The following BMAL1 variants were observed in gnomAD, a reference collection of about 807,000 sequenced individuals.
BMAL1 encodes basic helix-loop-helix ARNT like 1, also known as basic helix-loop-helix ARNT-like protein 1.
chr11:13,378,462 A>G, the BMAL1 span: 1 of 1,603,530 alleles, frequency 6.2e-7, no homozygotes, highest in African/African-American at 1.3e-5. Context: ...AACACCTTCT[A>G]GTTCCTCTGT....
At chr11:13,359,049 A>G in the BMAL1 span, among the ~76,000 whole-genome samples, 1 of 152,214 alleles carries the variant, frequency 6.6e-6, no homozygotes, top group African/African-American at 2.4e-5. Flanking sequence ...TTCTCGCGAC[A>G]TTTTGTTGTC....
At chr11:13,365,321 A>ACACACACACACACAC in the BMAL1 span, 7 of 475,118 alleles carry the variant, frequency 1.5e-5, no homozygotes, top group South Asian at 9.9e-5. Context: ...ACACACACAC[A>ACACACACACACACAC]ATCTTACAGT....
the BMAL1 span, among the ~76,000 whole-genome samples, chr11:13,300,647 T>C: frequency 6.6e-6 from 1 of 152,204 alleles, no homozygotes; most frequent in African/African-American, 2.4e-5. Context: ...AGTGATCTCT[T>C]CTTAAGGATA....
the BMAL1 span, among the ~76,000 whole-genome samples, chr11:13,331,183 C>T: frequency 6.6e-6 from 1 of 152,158 alleles, no homozygotes; most frequent in Non-Finnish European, 1.5e-5. Flanking sequence ...CGAAGATGGC[C>T]AAACAATCAG....
the BMAL1 span, among the ~76,000 whole-genome samples, chr11:13,357,314 T>G: frequency 1.3e-5 from 2 of 152,250 alleles, no homozygotes; most frequent in African/African-American, 4.8e-5. This position sits in a 1 kb window ranked among gnomAD's most constrained non-coding sequence, Gnocchi z 4.8. Flanking sequence ...TAAGCACCTT[T>G]AACCTGAAGT....
chr11:13,316,792 G>A, the BMAL1 span, among the ~76,000 whole-genome samples: 6 of 152,210 alleles, frequency 3.9e-5, no homozygotes, highest in African/African-American at 1.4e-4. Context: ...AGGAGAAGGG[G>A]GACGTTAGCC....
At chr11:13,314,425 G>A in the BMAL1 span, among the ~76,000 whole-genome samples, 1 of 152,104 alleles carries the variant, frequency 6.6e-6, no homozygotes, top group African/African-American at 2.4e-5. Flanking sequence ...ATTGGCCATT[G>A]GGTTTATTGG....
the BMAL1 span, chr11:13,277,685 G>C: frequency 6.9e-6 from 1 of 144,332 alleles, no homozygotes; most frequent in Admixed American, 6.8e-5. Context: ...TCCGGGCGCT[G>C]CGGCTCCTCC....
chr11:13,284,856 C>T, the BMAL1 span, among the ~76,000 whole-genome samples: 31 of 152,092 alleles, frequency 2.0e-4, no homozygotes, highest in Admixed American at 2.0e-4. Context: ...TCCAGTCTTC[C>T]AGGCTCTCCA....
the BMAL1 span, among the ~76,000 whole-genome samples, chr11:13,360,042 T>C: frequency 6.6e-6 from 1 of 152,198 alleles, no homozygotes; most frequent in South Asian, 2.1e-4. Context: ...AGAGCTGCCT[T>C]CTTTCTTAGA....
the BMAL1 span, among the ~76,000 whole-genome samples, chr11:13,286,410 G>T: frequency 6.6e-6 from 1 of 152,174 alleles, no homozygotes. Flanking sequence ...AGAGGCCTGG[G>T]CTCCAGACTG....
chr11:13,357,209 A>ACC, the BMAL1 span: 1 of 1,460,870 alleles, frequency 6.8e-7, no homozygotes, highest in Non-Finnish European at 9.3e-7. The surrounding 1 kb of genome is among the most constrained non-coding windows in gnomAD (Gnocchi z 4.8). Context: ...GGGCACTGTC[A>ACC]CCTCCTTAGG....
At chr11:13,290,559 A>ATAT in the BMAL1 span, among the ~76,000 whole-genome samples, 5,356 of 148,890 alleles carry the variant, frequency 0.036, 149 homozygotes, top group Middle Eastern at 0.11. Flanking sequence ...ACAAGTGTAT[A>ATAT]TATTATTATT....
the BMAL1 span, chr11:13,376,568 T>C: frequency 6.7e-7 from 1 of 1,487,488 alleles, no homozygotes; most frequent in African/African-American, 1.4e-5. Flanking sequence ...ACCGGACACC[T>C]TGGCCAAGTT....
chr11:13,340,679 C>T, the BMAL1 span, among the ~76,000 whole-genome samples: 106 of 152,254 alleles, frequency 7.0e-4, no homozygotes, highest in African/African-American at 2.4e-3. Context: ...TGTCCTGGAT[C>T]TCTCCAGCTT....
chr11:13,345,878 G>A, the BMAL1 span, among the ~76,000 whole-genome samples: 1 of 152,106 alleles, frequency 6.6e-6, no homozygotes, highest in Non-Finnish European at 1.5e-5. Context: ...CCTTCTTCCT[G>A]CCTGTGTCTG....
At chr11:13,294,398 A>G in the BMAL1 span, among the ~76,000 whole-genome samples, 2 of 13,840 alleles carry the variant, frequency 1.4e-4, no homozygotes, top group East Asian at 0.062. Flanking sequence ...GTGGTTTCCT[A>G]TTTTTCAACG....
the BMAL1 span, among the ~76,000 whole-genome samples, chr11:13,279,618 C>T: frequency 6.6e-6 from 1 of 152,158 alleles, no homozygotes; most frequent in African/African-American, 2.4e-5. Flanking sequence ...ATTTCCATAT[C>T]AATGGAATTC....
the BMAL1 span, among the ~76,000 whole-genome samples, chr11:13,386,380 C>T: frequency 2.6e-5 from 4 of 152,026 alleles, no homozygotes; most frequent in Admixed American, 6.6e-5. Context: ...CTCTTCACAA[C>T]GTAACCCCAC....
Sources: allele counts gnomAD v4.1 joint callset (sites outside exome capture counted in the v4.1 genomes callset), GRCh38; gene constraint gnomAD v4.1.1; non-coding constraint Gnocchi (gnomAD v3.1); transcripts MANE v1.5; gene names NCBI Gene and HGNC (gene_info 2026-07-23, HGNC 2026-07-21).